Variants in ZSCAN2 observed in about 807,000 individuals in gnomAD.
ZSCAN2 encodes the protein zinc finger and SCAN domain-containing protein 2.
ZSCAN2 carries 26 observed loss-of-function variants against 47.8 expected under a neutral mutation model. The observed-to-expected ratio is 0.54, with a 90% CI of 0.40 to 0.75. ZSCAN2 has a LOEUF of 0.75. Among genes scored for constraint, ZSCAN2 ranks in the 30% least tolerant of loss-of-function variants. ZSCAN2 has a pLI of 0.00. For missense variants in ZSCAN2, 732 were observed against 785.4 expected (o/e 0.93, Z 0.81); for synonymous variants, 305 against 288.7 (o/e 1.06, Z -0.57).
At position 84,622,539 on chromosome 15, in the gene ZSCAN2, C is replaced by A; in HGVS notation, c.*499C>A. The A allele has an allele frequency of 2.8e-6, 2 of 703,652 alleles. No individual in the cohort carries two copies. Among genetic ancestry groups the A allele is most frequent in the South Asian group, 1.5e-5 (1 of 65,450 alleles). 43.6% of individuals were successfully genotyped at this position (703,652 alleles called of 1,614,324 possible). A position where few individuals can be genotyped will look rare whatever the true frequency, so the allele number is the denominator to read the frequency against. ...GGCACCCCAAGCTGTCAGTTAGAAT[C>A]TGCTCTTCTGGCTTTGGTGTCTTGG... On this transcript the variant is annotated 3_prime_UTR_variant, in exon 3 of 3. Coordinates refer to ENST00000546148, the MANE Select transcript of ZSCAN2 (RefSeq NM_181877.4).
chr15:84,601,366 C>T (rs911565368), intron 1 of ZSCAN2, among the ~76,000 whole-genome samples: 2 of 152,176 alleles, frequency 1.3e-5, no homozygotes, highest in Non-Finnish European at 2.9e-5. Flanking sequence ...TACCGAGAAG[C>T]GCAGGCTTTG....
Position 84,621,141 on chromosome 15 carries a change from A to G in ZSCAN2, c.946A>G (p.Ser316Gly). The G allele has an allele frequency of 1.2e-6, 2 of 1,614,134 alleles. No individual in the cohort carries two copies. The highest frequency in any genetic ancestry group is 1.7e-6 in the Non-Finnish European group (2 of 1,180,028). ...GTGTGCCGAGTGTGGCAAGAGCTTC[A>G]GCAGGAGTCCCAACCTCATTGCACA... ...FQCAECGKSFSRSPNLIAHQR... is the reference protein window; with the variant it reads ...FQCAECGKSFGRSPNLIAHQR... Residue 316 changes from serine (S) to glycine (G), a missense_variant, in exon 3 of 3, where the codon AGC (serine) becomes GGC (glycine). Ser to Gly is a moderately conservative substitution (Grantham distance 56). This residue lies in a region of ZSCAN2 where 412 missense variants were observed against 498.0 expected (regional missense o/e 0.83). Transcript: ENST00000546148. This position sits in a 1 kb window ranked among gnomAD's most constrained non-coding sequence, Gnocchi z 5.7.
chr15:84,606,815 G>C, intron 2 of ZSCAN2: 1 of 1,273,938 alleles, frequency 7.8e-7, no homozygotes, highest in Non-Finnish European at 9.9e-7. Flanking sequence ...GGGTTTGTCT[G>C]TCCCTGACTT....
intron 2 of ZSCAN2, chr15:84,606,733 C>A: frequency 7.1e-7 from 1 of 1,408,128 alleles, no homozygotes; most frequent in Non-Finnish European, 9.2e-7. Flanking sequence ...CACCTTGCAG[C>A]AGGGGCTTTG....
At chr15:84,616,521 T>A in intron 2 of ZSCAN2, 1 of 1,346,866 alleles carries the variant, frequency 7.4e-7, no homozygotes, top group Non-Finnish European at 9.5e-7. Flanking sequence ...TTTTACCCAG[T>A]CTGCTGTTTT....
rs377766591 is a variant in ZSCAN2 at position 84,604,106 on chromosome 15, C to T, written c.179C>T (p.Ala60Val). 11 of 1,613,976 alleles carry T rather than the reference C, an allele frequency of 6.8e-6. No individual in the cohort carries two copies. The highest frequency in any genetic ancestry group is 9.3e-6 in the Non-Finnish European group (11 of 1,179,996). ...GAGTCTGAGCCCTTTCCCCAGAGTG[C>T]TGGCAAGGGCGGCCCCCAGGAGGAG... The part of the protein sequence containing the change: ...GPESEPFPQS[A>V]GKGGPQEEVT... The change falls in exon 2 of 3, where the codon GCT (alanine) becomes GTT (valine). Residue 60 changes from alanine (A) to valine (V), a missense_variant. Ala to Val is a moderately conservative substitution (Grantham distance 64). Coordinates refer to ENST00000546148, the MANE Select transcript of ZSCAN2 (RefSeq NM_181877.4).
intron 2 of ZSCAN2, among the ~76,000 whole-genome samples, chr15:84,605,284 C>T (rs1895347402): frequency 6.6e-6 from 1 of 152,198 alleles, no homozygotes; most frequent in Admixed American, 6.5e-5. Flanking sequence ...CAAATGTTTA[C>T]TTCAGATGTG....
chr15:84,618,235 T>C (rs867905418), intron 2 of ZSCAN2, among the ~76,000 whole-genome samples: 1 of 151,944 alleles, frequency 6.6e-6, no homozygotes, highest in South Asian at 2.1e-4. Flanking sequence ...CTGGCCAACA[T>C]AGTGAAACCC....
chr15:84,621,972 A>T lies in ZSCAN2; in HGVS notation c.1777A>T (p.Lys593Ter). Reference protein sequence around the residue: ...EKPYKCPECGKGFSNSSNFIT... With the variant: ...EKPYKCPECG ...GCCCTACAAATGCCCCGAGTGTGGCAAAGGCTTCAGCAACAGCTCTAACTT... is the reference window on the plus strand; with the variant it reads ...GCCCTACAAATGCCCCGAGTGTGGCTAAGGCTTCAGCAACAGCTCTAACTT... Residue 593 changes from lysine (K) to a stop codon, truncating the protein, a stop_gained, in exon 3 of 3, where the codon AAA (lysine) becomes TAA (stop). Transcript: ENST00000546148. LOFTEE classifies it high-confidence loss of function. The surrounding 1 kb of genome is among the most constrained non-coding windows in gnomAD (Gnocchi z 5.7). The T allele has an allele frequency of 6.2e-7, 1 of 1,614,188 alleles. No homozygotes were observed. The highest frequency in any genetic ancestry group is 8.5e-7 in the Non-Finnish European group (1 of 1,180,008).
At chr15:84,607,927 C>G (rs1895430355) in intron 2 of ZSCAN2, among the ~76,000 whole-genome samples, 1 of 152,148 alleles carries the variant, frequency 6.6e-6, no homozygotes, top group South Asian at 2.1e-4. Context: ...TAAACCCTGT[C>G]CCTTTTCCCC....
chr15:84,614,595 T>A (rs1409239718), intron 2 of ZSCAN2: 1 of 152,218 alleles, frequency 6.6e-6, no homozygotes, highest in African/African-American at 2.4e-5. Context: ...TGCCTATAGG[T>A]TTATACTTGA....
At chr15:84,608,068 G>C (rs1033732999) in intron 2 of ZSCAN2, among the ~76,000 whole-genome samples, 4 of 152,038 alleles carry the variant, frequency 2.6e-5, no homozygotes, top group Non-Finnish European at 4.4e-5. Flanking sequence ...ATGAATACTT[G>C]TCTTATTTCT....
chr15:84,617,707 C>A (rs967659088), intron 2 of ZSCAN2, among the ~76,000 whole-genome samples: 4 of 152,204 alleles, frequency 2.6e-5, no homozygotes, highest in African/African-American at 9.7e-5. Context: ...GAGGCCAAGG[C>A]AGGAGGATCA....
chr15:84,612,878 C>T (rs914601265), intron 2 of ZSCAN2, among the ~76,000 whole-genome samples: 5 of 152,100 alleles, frequency 3.3e-5, no homozygotes, highest in African/African-American at 9.7e-5. Context: ...GAAGATAGCC[C>T]CATAAATTAA....
intron 2 of ZSCAN2, among the ~76,000 whole-genome samples, chr15:84,619,733 T>C (rs1895773089): frequency 6.6e-6 from 1 of 152,050 alleles, no homozygotes; most frequent in South Asian, 2.1e-4. Flanking sequence ...GCACCAGGCA[T>C]TATGGTGAGT....
Position 84,603,916 on chromosome 15 carries a change from C to T in ZSCAN2, c.-12C>T, listed in dbSNP as rs1216374197. ...AAGGCTTGAAGCCTAAGTGATTGCC[C>T]CAGGACTGTGGATGATGGCTGCAGA... On this transcript the variant is annotated 5_prime_UTR_variant, in exon 2 of 3. Coordinates refer to ENST00000546148, the MANE Select transcript of ZSCAN2 (RefSeq NM_181877.4). 7 of 1,610,242 alleles carry T rather than the reference C, an allele frequency of 4.3e-6. No homozygotes were observed. Among genetic ancestry groups the T allele is most frequent in the Non-Finnish European group, 5.1e-6 (6 of 1,177,828 alleles).
Position 84,620,750 on chromosome 15 carries a change from G to A in ZSCAN2, c.555G>A (p.Gln185=). Reference sequence around the variant, plus strand: ...ACTTTGAGAGAGATGCTGGCATCCAGAGGCTCCAGGGACACAGCCCAGGTG... The same window carrying A: ...ACTTTGAGAGAGATGCTGGCATCCAAAGGCTCCAGGGACACAGCCCAGGTG... ...ESDFERDAGI[Q]RLQGHSPGED... The change falls in exon 3 of 3, where the codon CAG becomes CAA. Residue 185 remains glutamine (Q), a synonymous_variant. Coordinates refer to ENST00000546148, the MANE Select transcript of ZSCAN2 (RefSeq NM_181877.4). 6.2e-7 allele frequency: 1 copy of A among 1,614,250 alleles called. No individual in the cohort carries two copies. The highest frequency in any genetic ancestry group is 8.5e-7 in the Non-Finnish European group (1 of 1,180,052).
Position 84,621,638 on chromosome 15 carries a change from G to A in ZSCAN2, c.1443G>A (p.Glu481=). The part of the protein sequence containing the change: ...EKPYECLTCG[E]SFSWSSNLLK... ...CCTACGAGTGCCTGACATGTGGGGA[G>A]AGCTTCAGCTGGAGCTCCAACCTCC... Residue 481 remains glutamate, a synonymous_variant, in exon 3 of 3, where the codon GAG becomes GAA. Coordinates refer to ENST00000546148, the MANE Select transcript of ZSCAN2 (RefSeq NM_181877.4). This position sits in a 1 kb window ranked among gnomAD's most constrained non-coding sequence, Gnocchi z 5.7. 1.2e-6 allele frequency: 2 copies of A among 1,613,922 alleles called. No homozygotes were observed. Among genetic ancestry groups the A allele is most frequent in the Non-Finnish European group, 1.7e-6 (2 of 1,179,966 alleles).
intron 2 of ZSCAN2, among the ~76,000 whole-genome samples, chr15:84,619,543 T>C (rs1040239254): frequency 3.3e-5 from 5 of 152,204 alleles, no homozygotes; most frequent in African/African-American, 9.7e-5. Flanking sequence ...AGGGTCCTTA[T>C]TGCACGGGCT....
Sources: allele counts gnomAD v4.1 joint callset (sites outside exome capture counted in the v4.1 genomes callset), GRCh38; gene constraint gnomAD v4.1.1; regional missense constraint gnomAD v4.1.1; non-coding constraint Gnocchi (gnomAD v3.1); transcripts MANE v1.5; gene names NCBI Gene and HGNC (gene_info 2026-07-23, HGNC 2026-07-21).